Variants in GRIP1 observed in about 807,000 individuals in gnomAD.
GRIP1 encodes the protein glutamate receptor interacting protein 1.
A neutral mutation model predicts 129.9 loss-of-function variants in GRIP1; 45 were observed. That is an observed-to-expected ratio of 0.35 (90% CI 0.27 to 0.44). The LOEUF is 0.44. GRIP1 is among the 20% of genes least tolerant of loss of function. GRIP1 has a pLI of 1.00. For synonymous variants in GRIP1, 530 were observed against 520.8 expected (o/e 1.02, Z -0.24); for missense variants, 1,196 against 1,396.8 (o/e 0.86, Z 2.29).
intron 2 of GRIP1, among the ~76,000 whole-genome samples, chr12:66,562,425 C>A (rs2062568093): frequency 6.6e-6 from 1 of 152,112 alleles, no homozygotes; most frequent in Non-Finnish European, 1.5e-5. Context: ...GCTGCTGAGG[C>A]TCATTTGGCA....
chr12:67,040,055 T>C (rs908504731), intron 1 of GRIP1, among the ~76,000 whole-genome samples: 14 of 152,184 alleles, frequency 9.2e-5, no homozygotes, highest in Non-Finnish European at 1.9e-4. Context: ...CCAGTCCCAC[T>C]TTTTAACTGA....
chr12:66,840,461 C>A (rs999249666), intron 1 of GRIP1, among the ~76,000 whole-genome samples: 5 of 152,036 alleles, frequency 3.3e-5, no homozygotes, highest in Non-Finnish European at 7.4e-5. Flanking sequence ...AAATATTTGT[C>A]CTAGACAAGA....
At chr12:66,737,282 T>G (rs2036635125) in intron 1 of GRIP1, among the ~76,000 whole-genome samples, 1 of 152,118 alleles carries the variant, frequency 6.6e-6, no homozygotes, top group Non-Finnish European at 1.5e-5. Context: ...CCTCTATCTC[T>G]TTCTCCTTTT....
chr12:67,045,288 G>A (rs570771774), intron 1 of GRIP1, among the ~76,000 whole-genome samples: 17 of 152,290 alleles, frequency 1.1e-4, no homozygotes, highest in African/African-American at 3.8e-4. Flanking sequence ...ATAAGGACAG[G>A]AAGGGAGGGA....
chr12:67,031,936 C>T (rs1465527962), intron 1 of GRIP1, among the ~76,000 whole-genome samples: 2 of 152,038 alleles, frequency 1.3e-5, no homozygotes, highest in East Asian at 3.9e-4. Context: ...CCAAACATAC[C>T]CTGTATCTTC....
intron 1 of GRIP1, among the ~76,000 whole-genome samples, chr12:66,986,849 A>T (rs1031802324): frequency 1.0e-4 from 10 of 97,710 alleles, no homozygotes; most frequent in African/African-American, 1.4e-4. Context: ...TAAAATTTTT[A>T]AAAAATTTTA....
intron 5 of GRIP1, among the ~76,000 whole-genome samples, chr12:66,524,907 C>G (rs1456455307): frequency 6.6e-6 from 1 of 152,094 alleles, no homozygotes; most frequent in African/African-American, 2.4e-5. Flanking sequence ...AATACCTCTA[C>G]GCAAATAAAC....
At chr12:66,684,906 C>T (rs1394955281) in intron 1 of GRIP1, among the ~76,000 whole-genome samples, 1 of 152,108 alleles carries the variant, frequency 6.6e-6, no homozygotes, top group Non-Finnish European at 1.5e-5. Flanking sequence ...CTTCTCTCAT[C>T]CTTGAGTCCA....
intron 7 of GRIP1, among the ~76,000 whole-genome samples, chr12:66,479,114 A>T (rs1157222428): frequency 6.6e-6 from 1 of 151,334 alleles, no homozygotes; most frequent in Non-Finnish European, 1.5e-5. Context: ...AGAAAAAAAA[A>T]TCAATGAATC....
intron 2 of GRIP1, among the ~76,000 whole-genome samples, chr12:66,555,865 T>C (rs1346935181): frequency 6.6e-6 from 1 of 151,266 alleles, no homozygotes; most frequent in African/African-American, 2.4e-5. Flanking sequence ...TATTTGAAAA[T>C]AGAGGAGACA....
At chr12:66,912,958 G>C (rs893496031) in intron 1 of GRIP1, among the ~76,000 whole-genome samples, 1 of 152,106 alleles carries the variant, frequency 6.6e-6, no homozygotes, top group South Asian at 2.1e-4. Context: ...CAGGTACCAC[G>C]TGTTCATGCC....
chr12:66,424,185 A>C (rs561469101), intron 14 of GRIP1, among the ~76,000 whole-genome samples: 1 of 152,312 alleles, frequency 6.6e-6, no homozygotes, highest in South Asian at 2.1e-4. Flanking sequence ...GTCATTGGAA[A>C]TTTTATCCCG....
At chr12:66,735,242 T>C (rs145765288) in intron 1 of GRIP1, among the ~76,000 whole-genome samples, 1,810 of 152,286 alleles carry the variant, frequency 0.012, 53 homozygotes, top group African/African-American at 0.041. Flanking sequence ...CAGACTTCCA[T>C]GGTTCTATGA....
At position 66,357,218 on chromosome 12, in the gene GRIP1, C is replaced by T. The variant is rs1200535419; in HGVS notation, c.3013-3655G>A. Among the ~76,000 whole-genome samples the T allele has an allele frequency of 2.0e-5, 3 of 152,270 alleles. No homozygotes were observed. The East Asian group carries it at 5.8e-4, about 29-fold the overall frequency. On this transcript the variant is annotated intron_variant, in intron 23 of 24. Transcript: ENST00000359742. ...AAGTTGGCTTGCTTAAGTCAGAATC[C>T]CAACAAAGTCCACACACTACCTCTG...
chr12:66,482,131 A>G (rs548053574), intron 7 of GRIP1, among the ~76,000 whole-genome samples: 2 of 152,200 alleles, frequency 1.3e-5, no homozygotes, highest in Non-Finnish European at 2.9e-5. Flanking sequence ...CTAATATGAT[A>G]TGATTTCCAG....
intron 2 of GRIP1, among the ~76,000 whole-genome samples, chr12:66,547,913 A>T (rs2061996530): frequency 6.6e-6 from 1 of 152,158 alleles, no homozygotes; most frequent in Non-Finnish European, 1.5e-5. Context: ...TGGGGAAAAC[A>T]AGGTAAAGGA....
intron 1 of GRIP1, among the ~76,000 whole-genome samples, chr12:66,677,862 C>T (rs185822189): frequency 5.8e-4 from 89 of 152,240 alleles, no homozygotes; most frequent in African/African-American, 2.1e-3. Context: ...GAAATAGCAT[C>T]CATTAACATA....
rs1407249132 is a variant in GRIP1 at position 66,424,693 on chromosome 12, C to G, written c.1769-3904G>C. Among the ~76,000 whole-genome samples the G allele has an allele frequency of 2.6e-5, 4 of 152,156 alleles. No homozygotes were observed. In the East Asian group the frequency reaches 7.7e-4, roughly 29 times the overall value. The stretch of plus-strand genomic sequence containing the variant: ...TCATATAGCATTCCATGATTTCTTT[C>G]CTTTTCTGCAGAATATGTATTTCCT... On this transcript the variant is annotated intron_variant, in intron 14 of 24. Coordinates refer to ENST00000359742, the MANE Select transcript of GRIP1 (RefSeq NM_001366722.1).
At chr12:66,659,026 T>C (rs1592711836) in intron 1 of GRIP1, among the ~76,000 whole-genome samples, 1 of 152,214 alleles carries the variant, frequency 6.6e-6, no homozygotes, top group Non-Finnish European at 1.5e-5. Context: ...TACCCTGCTC[T>C]AGCAATACTG....
Sources: allele counts gnomAD v4.1 joint callset (sites outside exome capture counted in the v4.1 genomes callset), GRCh38; gene constraint gnomAD v4.1.1; transcripts MANE v1.5; gene names NCBI Gene and HGNC (gene_info 2026-07-23, HGNC 2026-07-21).